The following AGBL4 variants were observed in gnomAD, a reference collection of about 807,000 sequenced individuals.
The protein encoded by AGBL4 is cytosolic carboxypeptidase 6.
A neutral mutation model predicts 66.4 loss-of-function variants in AGBL4; 58 were observed. The ratio of observed to expected loss-of-function variants is 0.87; its 90% CI spans 0.71 to 1.09. The LOEUF (loss-of-function observed/expected upper bound fraction) is 1.09. Among genes scored for constraint, AGBL4 ranks in the 50% least tolerant of loss-of-function variants. AGBL4 has a pLI of 0.00. For synonymous variants in AGBL4, 234 were observed against 222.9 expected (o/e 1.05, Z -0.44); for missense variants, 579 against 631.0 (o/e 0.92, Z 0.88).
chr1:49,745,647 C>T lies in AGBL4; in HGVS notation c.158-48210G>A, dbSNP rs12064036. 2.1e-3 allele frequency among the ~76,000 whole-genome samples: 312 copies of T among 151,780 alleles called. 4 individuals are homozygous for T. The highest frequency in any genetic ancestry group is 7.0e-3 in the African/African-American group (291 of 41,424). ...AAGGACATTTATGATGTCAATCCAT[C>T]AGGAAAATACAATAAATATTATAAA... On this transcript the variant is annotated intron_variant, in intron 2 of 13. Coordinates refer to ENST00000371839, the MANE Select transcript of AGBL4 (RefSeq NM_032785.4).
intron 3 of AGBL4, among the ~76,000 whole-genome samples, chr1:49,329,828 A>G (rs1340813365): frequency 1.3e-5 from 2 of 152,180 alleles, no homozygotes; most frequent in African/African-American, 4.8e-5. Flanking sequence ...GACAGTTGGA[A>G]TGTGATAATT....
chr1:49,465,206 TACATACACACACACAC>T (rs1646601524), intron 3 of AGBL4, among the ~76,000 whole-genome samples: 1 of 69,018 alleles, frequency 1.4e-5, no homozygotes, highest in Non-Finnish European at 3.0e-5. Context: ...ACCCTACCCC[TACATACACACACACAC>T]ACACACACAC....
At chr1:48,952,634 T>G (rs1657098769) in intron 5 of AGBL4, among the ~76,000 whole-genome samples, 1 of 152,168 alleles carries the variant, frequency 6.6e-6, no homozygotes, top group Non-Finnish European at 1.5e-5. Flanking sequence ...TGATCTCGCC[T>G]CTGGTTTTGA....
At chr1:49,702,328 T>G (rs1647112168) in intron 2 of AGBL4, among the ~76,000 whole-genome samples, 1 of 151,886 alleles carries the variant, frequency 6.6e-6, no homozygotes, top group African/African-American at 2.4e-5. Flanking sequence ...TCGTCTCTAC[T>G]AAAAATACAA....
At chr1:48,866,559 C>A (rs1648109996) in intron 6 of AGBL4, among the ~76,000 whole-genome samples, 1 of 152,178 alleles carries the variant, frequency 6.6e-6, no homozygotes, top group Admixed American at 6.5e-5. Context: ...CTCTTTTTGT[C>A]CAACTTTGCC....
rs113418514 is a variant in AGBL4, at chr1:49,749,718, T to C, written c.158-52281A>G. ...TCTAACAAGAGATGTCCAAGTCTTC[T>C]ACATTAAAAACTACAAAATGTTGAG... On this transcript the variant is annotated intron_variant, in intron 2 of 13. Transcript: ENST00000371839. 5.4e-3 allele frequency among the ~76,000 whole-genome samples: 830 copies of C among 152,302 alleles called. 5 individuals carry two copies. Among genetic ancestry groups the C allele is most frequent in the Non-Finnish European group, 7.0e-3 (473 of 68,022 alleles).
At chr1:49,419,816 G>C (rs1645504513) in intron 3 of AGBL4, among the ~76,000 whole-genome samples, 1 of 152,260 alleles carries the variant, frequency 6.6e-6, no homozygotes, top group South Asian at 2.1e-4. Context: ...TGGTGAAATG[G>C]GTACTATCAA....
intron 3 of AGBL4, among the ~76,000 whole-genome samples, chr1:49,565,971 C>T (rs1038232998): frequency 6.6e-6 from 1 of 152,150 alleles, no homozygotes; most frequent in East Asian, 1.9e-4. Flanking sequence ...TTCACATAGT[C>T]CCATATTTCT....
chr1:49,743,819 C>T (rs1308271767), intron 2 of AGBL4, among the ~76,000 whole-genome samples: 1 of 149,382 alleles, frequency 6.7e-6, no homozygotes, highest in East Asian at 2.0e-4. Context: ...AAACCAAACA[C>T]CGCATGTTCT....
intron 4 of AGBL4, among the ~76,000 whole-genome samples, chr1:49,215,587 C>T (rs1284295422): frequency 6.6e-6 from 1 of 152,078 alleles, no homozygotes; most frequent in Non-Finnish European, 1.5e-5. Flanking sequence ...TAGCCAGTTT[C>T]TGTACTCTTT....
chr1:49,170,951 T>A (rs1018662926), intron 4 of AGBL4, among the ~76,000 whole-genome samples: 1 of 152,166 alleles, frequency 6.6e-6, no homozygotes, highest in Non-Finnish European at 1.5e-5. Context: ...GAAGCAGATA[T>A]GGCAAGGGCT....
intron 6 of AGBL4, among the ~76,000 whole-genome samples, chr1:48,840,290 G>A (rs1428533431): frequency 6.6e-6 from 1 of 152,076 alleles, no homozygotes; most frequent in Non-Finnish European, 1.5e-5. Flanking sequence ...ATACCTCTGT[G>A]TGCCCGGTGC....
At chr1:48,822,375 A>G (rs779400392) in intron 6 of AGBL4, among the ~76,000 whole-genome samples, 2 of 152,230 alleles carry the variant, frequency 1.3e-5, no homozygotes, top group Non-Finnish European at 2.9e-5. Flanking sequence ...TACATGCAAC[A>G]ATCTGGATGA....
intron 4 of AGBL4, among the ~76,000 whole-genome samples, chr1:49,221,157 T>G (rs1324000022): frequency 1.3e-5 from 2 of 152,122 alleles, no homozygotes; most frequent in Non-Finnish European, 2.9e-5. Flanking sequence ...GATTCCATTG[T>G]GCTATATGGC....
chr1:49,594,691 T>G (rs1421509564), intron 3 of AGBL4, among the ~76,000 whole-genome samples: 2 of 152,244 alleles, frequency 1.3e-5, no homozygotes, highest in Non-Finnish European at 2.9e-5. Flanking sequence ...GCAAAGGACA[T>G]GAACTCATCC....
At chr1:49,412,070 T>A (rs536547753) in intron 3 of AGBL4, among the ~76,000 whole-genome samples, 2 of 152,316 alleles carry the variant, frequency 1.3e-5, no homozygotes, top group South Asian at 4.1e-4. Context: ...TAGGTTCCTA[T>A]TTTATGCTAG....
intron 1 of AGBL4, among the ~76,000 whole-genome samples, chr1:49,983,865 G>A (rs1659285885): frequency 6.6e-6 from 1 of 152,164 alleles, no homozygotes; most frequent in African/African-American, 2.4e-5. Flanking sequence ...TGGGCTCCCT[G>A]TGGCCCAGGA....
At chr1:49,765,234 A>AC (rs1012014334) in intron 2 of AGBL4, among the ~76,000 whole-genome samples, 1 of 150,716 alleles carries the variant, frequency 6.6e-6, no homozygotes, top group South Asian at 2.1e-4. Context: ...ATCAGTACAA[A>AC]CCCCCCTGCT....
At chr1:49,067,757 A>G (rs1284289419) in intron 4 of AGBL4, among the ~76,000 whole-genome samples, 1 of 151,760 alleles carries the variant, frequency 6.6e-6, no homozygotes, top group Non-Finnish European at 1.5e-5. Flanking sequence ...CACTTTATTT[A>G]TTTATTTTTA....
Sources: allele counts gnomAD v4.1 joint callset (sites outside exome capture counted in the v4.1 genomes callset), GRCh38; gene constraint gnomAD v4.1.1; transcripts MANE v1.5; gene names NCBI Gene and HGNC (gene_info 2026-07-23, HGNC 2026-07-21).